Variants in SLC9A9 observed in about 807,000 individuals in gnomAD.
SLC9A9 encodes sodium/hydrogen exchanger 9.
A neutral mutation model predicts 77.8 loss-of-function variants in SLC9A9; 62 were observed. The ratio of observed to expected loss-of-function variants is 0.80; its 90% CI spans 0.65 to 0.98. SLC9A9 has a LOEUF of 0.98. Among genes scored for constraint, SLC9A9 ranks in the 50% least tolerant of loss-of-function variants. The probability of loss-of-function intolerance (pLI) is 0.00; values close to 1 mark genes in which losing one functional copy is unlikely to be tolerated. For missense variants in SLC9A9, 775 were observed against 774.9 expected (o/e 1.00, Z 0.00); for synonymous variants, 320 against 283.5 (o/e 1.13, Z -1.29).
intron 14 of SLC9A9, among the ~76,000 whole-genome samples, chr3:143,271,116 C>A (rs945557684): frequency 6.8e-6 from 1 of 146,652 alleles, no homozygotes; most frequent in African/African-American, 2.8e-5. Flanking sequence ...GTTATCAGAT[C>A]GAAAAAGCAT....
intron 14 of SLC9A9, among the ~76,000 whole-genome samples, chr3:143,340,071 C>T (rs552323326): frequency 1.2e-4 from 18 of 152,164 alleles, no homozygotes; most frequent in Non-Finnish European, 2.4e-4. Context: ...CTTGGAATCA[C>T]GGTTGATTAA....
intron 8 of SLC9A9, among the ~76,000 whole-genome samples, chr3:143,559,140 C>A (rs1026982282): frequency 6.6e-6 from 1 of 152,188 alleles, no homozygotes; most frequent in South Asian, 2.1e-4. Context: ...GCCTCCCCAG[C>A]CATGTGGAAC....
intron 2 of SLC9A9, among the ~76,000 whole-genome samples, chr3:143,814,337 G>C (rs2008947995): frequency 6.6e-6 from 1 of 152,188 alleles, no homozygotes; most frequent in Admixed American, 6.5e-5. Context: ...TGGAAAAAAT[G>C]AGTTGATGAG....
At chr3:143,469,515 T>G (rs1275237244) in intron 11 of SLC9A9, among the ~76,000 whole-genome samples, 1 of 152,238 alleles carries the variant, frequency 6.6e-6, no homozygotes, top group Non-Finnish European at 1.5e-5. Context: ...TTTCTAAATC[T>G]GTATTCGTAC....
intron 6 of SLC9A9, among the ~76,000 whole-genome samples, chr3:143,592,391 A>C (rs747098353): frequency 7.2e-5 from 11 of 152,130 alleles, no homozygotes; most frequent in Non-Finnish European, 1.0e-4. Flanking sequence ...ACCCTGTCTC[A>C]ACAACAACAA....
chr3:143,544,258 G>A (rs1018273825), intron 9 of SLC9A9, among the ~76,000 whole-genome samples: 1 of 151,930 alleles, frequency 6.6e-6, no homozygotes, highest in African/African-American at 2.4e-5. Context: ...ACGGAGGCTC[G>A]CTCTGTCGCC....
At chr3:143,608,143 C>A (rs1043960441) in intron 6 of SLC9A9, among the ~76,000 whole-genome samples, 1 of 152,120 alleles carries the variant, frequency 6.6e-6, no homozygotes, top group Non-Finnish European at 1.5e-5. Flanking sequence ...ATAGCAAAAG[C>A]AAGTTGTAAA....
chr3:143,331,205 C>T (rs750486495), intron 14 of SLC9A9, among the ~76,000 whole-genome samples: 3 of 152,132 alleles, frequency 2.0e-5, no homozygotes, highest in Non-Finnish European at 4.4e-5. Flanking sequence ...TCAGTTTTGC[C>T]ACACAGAGCA....
intron 5 of SLC9A9, among the ~76,000 whole-genome samples, chr3:143,673,113 TAC>T (rs2039185280): frequency 6.6e-6 from 1 of 152,216 alleles, no homozygotes; most frequent in African/African-American, 2.4e-5. Context: ...GACTTGCAAG[TAC>T]AGTGTATAGA....
At chr3:143,537,266 C>T (rs1165989236) in intron 9 of SLC9A9, among the ~76,000 whole-genome samples, 2 of 152,210 alleles carry the variant, frequency 1.3e-5, no homozygotes, top group African/African-American at 2.4e-5. Context: ...GCATGGAGCC[C>T]GGGTATCTGG....
At chr3:143,539,385 G>A (rs958200876) in intron 9 of SLC9A9, among the ~76,000 whole-genome samples, 4 of 152,106 alleles carry the variant, frequency 2.6e-5, no homozygotes, top group African/African-American at 4.8e-5. Flanking sequence ...AAGACTTAAC[G>A]TTTTATTAAA....
intron 12 of SLC9A9, among the ~76,000 whole-genome samples, chr3:143,449,858 TATATATAAA>T (rs2034956585): frequency 3.9e-5 from 1 of 25,448 alleles, no homozygotes; most frequent in Non-Finnish European, 5.7e-5. Flanking sequence ...TATATAATTA[TATATATAAA>T]ATATATAATT....
chr3:143,540,088 T>C (rs866171610), intron 9 of SLC9A9, among the ~76,000 whole-genome samples: 1 of 152,076 alleles, frequency 6.6e-6, no homozygotes, highest in Non-Finnish European at 1.5e-5. Context: ...TGGAGACTTG[T>C]TAGTAAGACA....
At chr3:143,298,082 A>T (rs539326107) in intron 14 of SLC9A9, among the ~76,000 whole-genome samples, 77 of 152,374 alleles carry the variant, frequency 5.1e-4, no homozygotes, top group Admixed American at 2.0e-3. Context: ...TTTTTATTGC[A>T]TGAATGAGAA....
Position 143,629,703 on chromosome 3 carries a change from T to C in SLC9A9, c.755+22552A>G, listed in dbSNP as rs182807956. Among the ~76,000 whole-genome samples the C allele has an allele frequency of 3.9e-5, 6 of 152,176 alleles. No homozygotes were observed. In the East Asian group the frequency reaches 1.2e-3, roughly 29 times the overall value. On this transcript the variant is annotated intron_variant, in intron 6 of 15. Transcript: ENST00000316549. Reference sequence around the variant, plus strand: ...TGACATTTGACAGATGAGAAAGAGCTGTCCAGGAAAGAAAGAGGGTGGAAT... The same window carrying C: ...TGACATTTGACAGATGAGAAAGAGCCGTCCAGGAAAGAAAGAGGGTGGAAT...
chr3:143,500,738 A>T (rs956046357), intron 9 of SLC9A9, among the ~76,000 whole-genome samples: 1 of 151,102 alleles, frequency 6.6e-6, no homozygotes, highest in African/African-American at 2.5e-5. Flanking sequence ...ATTTTATGGT[A>T]TTTATAATGT....
intron 4 of SLC9A9, among the ~76,000 whole-genome samples, chr3:143,767,372 GTGTA>G (rs1553790517): frequency 0.02 from 2,720 of 134,044 alleles, 28 homozygotes; most frequent in South Asian, 0.026. Context: ...GTAAGTGTCT[GTGTA>G]TGTGTGTGTG....
chr3:143,629,493 GA>G (rs1176560749), intron 6 of SLC9A9, among the ~76,000 whole-genome samples: 5 of 152,090 alleles, frequency 3.3e-5, no homozygotes, highest in African/African-American at 1.2e-4. Flanking sequence ...TTATTGATCT[GA>G]AATTCAAATT....
chr3:143,713,688 G>T (rs952668632), intron 4 of SLC9A9, among the ~76,000 whole-genome samples: 1 of 152,134 alleles, frequency 6.6e-6, no homozygotes, highest in Non-Finnish European at 1.5e-5. Flanking sequence ...TACATGTATT[G>T]TTCTTGCCAT....
Sources: gnomAD v4.1 joint callset for allele counts (sites outside exome capture counted in the v4.1 genomes callset) on GRCh38, gnomAD v4.1.1 for gene constraint, MANE v1.5 for transcripts, NCBI Gene and HGNC (gene_info 2026-07-23, HGNC 2026-07-21) for gene names.